FHIT: variants seen among roughly 807,000 people sequenced by gnomAD.
FHIT encodes fragile histidine triad diadenosine triphosphatase, also known as bis(5'-adenosyl)-triphosphatase.
In FHIT, 19 loss-of-function variants were observed where a neutral mutation model predicts 17.9. The ratio of observed to expected loss-of-function variants is 1.06; its 90% CI spans 0.74 to 1.56. The LOEUF (loss-of-function observed/expected upper bound fraction) is 1.56, where lower values mean the gene tolerates loss of function less well. Ranked by LOEUF, FHIT falls within the 40% of genes most tolerant of loss-of-function variation. The pLI, the probability that FHIT is intolerant of heterozygous loss-of-function variation, is 0.00. For synonymous variants in FHIT, 81 were observed against 69.7 expected, an observed-to-expected ratio of 1.16 and a Z score of -0.81; for missense variants, 248 against 189.2, an observed-to-expected ratio of 1.31 and a Z score of -1.82.
intron 5 of FHIT, among the ~76,000 whole-genome samples, chr3:60,069,259 C>CT (rs11293927): frequency 9.2e-5 from 14 of 151,972 alleles, no homozygotes; most frequent in African/African-American, 2.9e-4. Context: ...ATTTGAACTA[C>CT]TTTTTTTTAA....
At chr3:59,984,401 G>GA (rs11411678) in intron 7 of FHIT, among the ~76,000 whole-genome samples, 1 of 151,746 alleles carries the variant, frequency 6.6e-6, no homozygotes, top group African/African-American at 2.4e-5. Context: ...CACTGGGGGG[G>GA]GCTCTGGAAG....
intron 5 of FHIT, among the ~76,000 whole-genome samples, chr3:60,212,257 C>G (rs1703485656): frequency 6.6e-6 from 1 of 152,278 alleles, no homozygotes; most frequent in Non-Finnish European, 1.5e-5. Flanking sequence ...TGGCTCCAGT[C>G]ACACCCTTAT....
intron 4 of FHIT, among the ~76,000 whole-genome samples, chr3:60,781,165 A>G (rs188648292): frequency 9.8e-5 from 15 of 152,338 alleles, no homozygotes; most frequent in Admixed American, 6.5e-4. Flanking sequence ...TGCACACGTT[A>G]GCCCATTTTC....
intron 4 of FHIT, among the ~76,000 whole-genome samples, chr3:60,709,029 A>C (rs1038375785): frequency 6.6e-6 from 1 of 152,202 alleles, no homozygotes; most frequent in East Asian, 1.9e-4. Flanking sequence ...ATGTTTCTCT[A>C]GGTCAGCAGT....
At chr3:60,027,144 CACACAA>C (rs1290053115) in intron 5 of FHIT, among the ~76,000 whole-genome samples, 1 of 118,148 alleles carries the variant, frequency 8.5e-6, no homozygotes, top group Non-Finnish European at 1.8e-5. Flanking sequence ...CACACACACA[CACACAA>C]AATTAGTAAA....
intron 2 of FHIT, among the ~76,000 whole-genome samples, chr3:61,147,636 T>C (rs9881340): frequency 0.25 from 37,424 of 151,440 alleles, 5,094 homozygotes; most frequent in East Asian, 0.45. Context: ...TCAAGATTTA[T>C]AGAAGACTTA....
At chr3:61,115,672 A>C (rs9813137) in intron 2 of FHIT, among the ~76,000 whole-genome samples, 7,691 of 152,204 alleles carry the variant, frequency 0.051, 646 homozygotes, top group African/African-American at 0.17. Flanking sequence ...GCCATTTATT[A>C]ATTTTATTCT....
At chr3:59,899,685 AC>A (rs201566829) in intron 8 of FHIT, among the ~76,000 whole-genome samples, 3,440 of 151,364 alleles carry the variant, frequency 0.023, 46 homozygotes, top group South Asian at 0.057. Flanking sequence ...ATACAAAAAA[AC>A]AAAAAAAAAA....
intron 3 of FHIT, among the ~76,000 whole-genome samples, chr3:60,937,219 A>G (rs1369783861): frequency 2.0e-5 from 3 of 152,210 alleles, no homozygotes; most frequent in Non-Finnish European, 4.4e-5. Flanking sequence ...GACCCACATT[A>G]ATTCATGAAA....
chr3:61,045,455 TGCACCCAATATAGGA>T (rs999406337), intron 2 of FHIT, among the ~76,000 whole-genome samples: 35 of 152,320 alleles, frequency 2.3e-4, no homozygotes, highest in Non-Finnish European at 4.1e-4. Context: ...TAAATATATA[TGCACCCAATATAGGA>T]GCACCCAGAT....
intron 2 of FHIT, among the ~76,000 whole-genome samples, chr3:61,112,437 G>A (rs1020678596): frequency 8.6e-5 from 13 of 151,956 alleles, no homozygotes; most frequent in African/African-American, 3.1e-4. Flanking sequence ...GGGAAGTTCC[G>A]CAGTCAGGAA....
intron 2 of FHIT, among the ~76,000 whole-genome samples, chr3:61,071,760 T>C (rs2034816041): frequency 6.6e-6 from 1 of 152,166 alleles, no homozygotes; most frequent in Non-Finnish European, 1.5e-5. Context: ...TTTGAGTGTA[T>C]AAGCAGGGTG....
chr3:59,886,875 TG>T (rs111957370), intron 8 of FHIT, among the ~76,000 whole-genome samples: 2,403 of 152,316 alleles, frequency 0.016, 62 homozygotes, highest in African/African-American at 0.055. Context: ...AAGTCTTTTT[TG>T]TCTATTAGAC....
chr3:61,201,541 T>A (rs749728036), intron 1 of FHIT, among the ~76,000 whole-genome samples: 1 of 152,150 alleles, frequency 6.6e-6, no homozygotes, highest in Admixed American at 6.6e-5. Flanking sequence ...TGGTTCTTTT[T>A]TTTTCCTTCA....
At chr3:60,512,669 C>T (rs2034995104) in intron 5 of FHIT, among the ~76,000 whole-genome samples, 1 of 152,168 alleles carries the variant, frequency 6.6e-6, no homozygotes, top group Non-Finnish European at 1.5e-5. Flanking sequence ...AATAGCCTGA[C>T]AGGATGTACT....
At chr3:60,964,303 C>A (rs1403337677) in intron 3 of FHIT, among the ~76,000 whole-genome samples, 7 of 151,842 alleles carry the variant, frequency 4.6e-5, no homozygotes, top group Admixed American at 2.0e-4. Context: ...TCCTCCATCC[C>A]TTTAGTTTGA....
At chr3:61,243,440 T>G (rs1182858253) in intron 1 of FHIT, among the ~76,000 whole-genome samples, 1 of 152,198 alleles carries the variant, frequency 6.6e-6, no homozygotes, top group East Asian at 1.9e-4. Context: ...TCAAGAAAAT[T>G]AAAGGTATGT....
chr3:60,933,578 G>A (rs949192286), intron 3 of FHIT, among the ~76,000 whole-genome samples: 1 of 152,180 alleles, frequency 6.6e-6, no homozygotes, highest in African/African-American at 2.4e-5. Flanking sequence ...CGGGTGTGTA[G>A]AGTAGGAAGT....
chr3:60,205,743 T>G (rs1399457946), intron 5 of FHIT, among the ~76,000 whole-genome samples: 1 of 152,124 alleles, frequency 6.6e-6, no homozygotes, highest in East Asian at 1.9e-4. Context: ...GTATGTGTAT[T>G]CTTGAATTTC....
Sources: gnomAD v4.1 joint callset for allele counts (sites outside exome capture counted in the v4.1 genomes callset) on GRCh38, gnomAD v4.1.1 for gene constraint, MANE v1.5 for transcripts, NCBI Gene and HGNC (gene_info 2026-07-23, HGNC 2026-07-21) for gene names.